DOCK3: variants seen among roughly 807,000 people sequenced by gnomAD.
The protein encoded by DOCK3 is dedicator of cytokinesis 3, also known as dedicator of cytokinesis protein 3.
Under a neutral mutation model 265.6 loss-of-function variants are expected in DOCK3, and 60 were observed. The observed-to-expected ratio is 0.23, with a 90% CI of 0.18 to 0.28. The LOEUF (loss-of-function observed/expected upper bound fraction) is 0.28. DOCK3 is among the 10% of genes least tolerant of loss of function. DOCK3 has a pLI of 1.00. For missense variants in DOCK3, 1,981 were observed against 2,594.3 expected (o/e 0.76, Z 5.14); for synonymous variants, 881 against 938.0 (o/e 0.94, Z 1.11).
chr3:51,076,713 T>G (rs564692249), intron 7 of DOCK3, among the ~76,000 whole-genome samples: 1 of 152,298 alleles, frequency 6.6e-6, no homozygotes, highest in East Asian at 1.9e-4. Context: ...GCCATACGTG[T>G]GCTGCATATA....
At chr3:50,918,521 C>T (rs896849503) in intron 4 of DOCK3, among the ~76,000 whole-genome samples, 1 of 152,116 alleles carries the variant, frequency 6.6e-6, no homozygotes, top group Non-Finnish European at 1.5e-5. Flanking sequence ...TGATAATGAG[C>T]CTTTTTTCAT....
intron 23 of DOCK3, among the ~76,000 whole-genome samples, chr3:51,265,932 A>T (rs575966963): frequency 3.9e-5 from 6 of 152,326 alleles, no homozygotes; most frequent in Non-Finnish European, 8.8e-5. Flanking sequence ...TGACATGATT[A>T]TATATTTAGA....
intron 12 of DOCK3, among the ~76,000 whole-genome samples, chr3:51,200,913 G>A (rs867996957): frequency 2.0e-5 from 3 of 151,826 alleles, no homozygotes; most frequent in Admixed American, 1.3e-4. Flanking sequence ...AATTTCATAT[G>A]CAGCCAAACT....
chr3:50,786,093 T>C (rs1384001258), intron 2 of DOCK3, among the ~76,000 whole-genome samples: 2 of 152,170 alleles, frequency 1.3e-5, no homozygotes, highest in Admixed American at 6.5e-5. Flanking sequence ...TTTGTGCCCA[T>C]AAAGATGTTC....
intron 1 of DOCK3, among the ~76,000 whole-genome samples, chr3:50,753,978 A>C (rs576559462): frequency 6.6e-6 from 1 of 152,026 alleles, no homozygotes. Flanking sequence ...CAACATAGTG[A>C]AACCCCGTCT....
intron 9 of DOCK3, among the ~76,000 whole-genome samples, chr3:51,096,578 G>T (rs995407164): frequency 6.6e-6 from 1 of 152,044 alleles, no homozygotes; most frequent in South Asian, 2.1e-4. Context: ...TCCTTGCATT[G>T]GGTTAGAACA....
intron 10 of DOCK3, among the ~76,000 whole-genome samples, chr3:51,155,124 G>T (rs916519334): frequency 6.6e-6 from 1 of 151,594 alleles, no homozygotes; most frequent in Non-Finnish European, 1.5e-5. Flanking sequence ...GGCTATAGGC[G>T]CACACCATGC....
intron 2 of DOCK3, among the ~76,000 whole-genome samples, chr3:50,800,964 G>T (rs12497067): frequency 0.072 from 10,920 of 152,064 alleles, 981 homozygotes; most frequent in East Asian, 0.33. Context: ...CATTTATATA[G>T]TTTCAGATGT....
chr3:51,067,427 T>TTGTTTGTGTGTG (rs1553750451), intron 6 of DOCK3, among the ~76,000 whole-genome samples: 1 of 144,108 alleles, frequency 6.9e-6, no homozygotes, highest in Non-Finnish European at 1.5e-5. Context: ...TGAAATATGT[T>TTGTTTGTGTGTG]TGTGTGTGTG....
rs1051295606 is a variant in DOCK3 at position 51,324,923 on chromosome 3, G to A, written c.3403-5215G>A. On this transcript the variant is annotated intron_variant, in intron 32 of 52. Coordinates refer to ENST00000266037, the MANE Select transcript of DOCK3 (RefSeq NM_004947.5). ...CCTTATACAGATATTAACTCAACGT[G>A]GATTAAAGACTTTAAATATAAGACA... Among the ~76,000 whole-genome samples, 4 of 152,106 alleles carry A rather than the reference G, an allele frequency of 2.6e-5. 1 individual carries two copies. Among genetic ancestry groups the A allele is most frequent in the Non-Finnish European group, 5.9e-5 (4 of 68,030 alleles).
chr3:50,693,422 C>T (rs548786162), intron 1 of DOCK3, among the ~76,000 whole-genome samples: 78 of 150,710 alleles, frequency 5.2e-4, no homozygotes, highest in African/African-American at 1.7e-3. Flanking sequence ...TTTCAATATA[C>T]AAATTTTTCA....
At chr3:51,373,577 C>T (rs539984149) in intron 49 of DOCK3, among the ~76,000 whole-genome samples, 29 of 152,338 alleles carry the variant, frequency 1.9e-4, no homozygotes, top group Admixed American at 1.1e-3. Flanking sequence ...CATGGGTTGA[C>T]AAGTTCCTGG....
At chr3:51,140,448 G>A (rs1229815830) in intron 9 of DOCK3, among the ~76,000 whole-genome samples, 1 of 152,058 alleles carries the variant, frequency 6.6e-6, no homozygotes, top group Non-Finnish European at 1.5e-5. Context: ...TACTTTTATG[G>A]CTGAATAATA....
chr3:50,909,574 G>T (rs757661708), intron 4 of DOCK3, among the ~76,000 whole-genome samples: 143 of 150,380 alleles, frequency 9.5e-4, no homozygotes, highest in Non-Finnish European at 1.4e-3. Context: ...CCACTGAGGG[G>T]TCTGCTGTTA....
intron 12 of DOCK3, 59 bp downstream of exon 12, chr3:51,160,761 C>T: frequency 3.2e-6 from 5 of 1,564,392 alleles, no homozygotes; most frequent in Non-Finnish European, 4.3e-6. Context: ...CCAGCACTGC[C>T]CTTGAGAGTA....
At chr3:50,968,547 A>T (rs2077100060) in intron 5 of DOCK3, among the ~76,000 whole-genome samples, 2 of 145,330 alleles carry the variant, frequency 1.4e-5, no homozygotes, top group South Asian at 2.2e-4. Flanking sequence ...ACTTTCTATG[A>T]TTTCAATTTT....
intron 27 of DOCK3, among the ~76,000 whole-genome samples, chr3:51,309,559 CAGAGGGAGACCATGGAAAGAGAGGG>C (rs1393562499): frequency 2.6e-5 from 4 of 152,154 alleles, no homozygotes; most frequent in African/African-American, 7.2e-5. Flanking sequence ...GGCTCGGCAT[CAGAGGGAGACCATGGAAAGAGAGGG>C]AGAGGGAGAC....
chr3:51,353,277 G>A (rs1009931218), intron 40 of DOCK3, among the ~76,000 whole-genome samples: 5 of 152,104 alleles, frequency 3.3e-5, no homozygotes, highest in African/African-American at 4.8e-5. Flanking sequence ...TCTTCCTAGC[G>A]TTAATCAGAA....
intron 8 of DOCK3, among the ~76,000 whole-genome samples, chr3:51,089,989 G>T (rs1225321931): frequency 6.7e-6 from 1 of 148,224 alleles, no homozygotes; most frequent in Non-Finnish European, 1.5e-5. Flanking sequence ...TAGTTCACTT[G>T]TAAGTTGGAA....
Sources: gnomAD v4.1 joint callset for allele counts (sites outside exome capture counted in the v4.1 genomes callset) on GRCh38, gnomAD v4.1.1 for gene constraint, MANE v1.5 for transcripts, NCBI Gene and HGNC (gene_info 2026-07-23, HGNC 2026-07-21) for gene names.